The following TANC2 variants were observed in gnomAD, a reference collection of about 807,000 sequenced individuals.
TANC2 encodes the protein tetratricopeptide repeat, ankyrin repeat and coiled-coil containing 2.
In TANC2, 26 loss-of-function variants were observed where a neutral mutation model predicts 210.5. The ratio of observed to expected loss-of-function variants is 0.12; its 90% CI spans 0.09 to 0.17. The LOEUF is 0.17. TANC2 is among the 10% of genes least tolerant of loss of function. The pLI, the probability that TANC2 is intolerant of heterozygous loss-of-function variation, is 1.00. For missense variants in TANC2, 2,129 were observed against 2,608.9 expected, an observed-to-expected ratio of 0.82 and a Z score of 4.01; for synonymous variants, 931 against 967.1, an observed-to-expected ratio of 0.96 and a Z score of 0.69.
intron 1 of TANC2, among the ~76,000 whole-genome samples, chr17:63,007,966 G>A (rs2033695388): frequency 7.1e-6 from 1 of 140,892 alleles, no homozygotes; most frequent in Non-Finnish European, 1.5e-5. Context: ...TAAACTGAGA[G>A]TAAATTGCTT....
chr17:63,385,146 A>G (rs1276182818), intron 15 of TANC2, among the ~76,000 whole-genome samples: 2 of 152,222 alleles, frequency 1.3e-5, no homozygotes. Flanking sequence ...ACAGAACCTG[A>G]CACATTGTAG....
At chr17:63,229,441 T>A (rs2042411897) in intron 7 of TANC2, among the ~76,000 whole-genome samples, 1 of 152,164 alleles carries the variant, frequency 6.6e-6, no homozygotes, top group South Asian at 2.1e-4. Context: ...CCTCATAAAA[T>A]GAGTTAGGGA....
chr17:63,074,102 C>A, intron 3 of TANC2, 88 bp downstream of exon 3: 1 of 986,932 alleles, frequency 1.0e-6, no homozygotes, highest in Non-Finnish European at 1.5e-6. Flanking sequence ...TAGGATATTG[C>A]CATGGTATAG....
At chr17:63,373,687 ATT>A (rs1394393101) in intron 14 of TANC2, among the ~76,000 whole-genome samples, 5 of 152,246 alleles carry the variant, frequency 3.3e-5, no homozygotes, top group African/African-American at 1.2e-4. Context: ...TCTAAAAATT[ATT>A]AAAGTATTTT....
At chr17:63,050,766 TA>T (rs1175398472) in intron 2 of TANC2, among the ~76,000 whole-genome samples, 1 of 152,242 alleles carries the variant, frequency 6.6e-6, no homozygotes, top group Admixed American at 6.5e-5. Flanking sequence ...ATGGACTTTA[TA>T]AGAGATTTTG....
At chr17:63,218,776 A>C (rs1355461474) in intron 7 of TANC2, among the ~76,000 whole-genome samples, 2 of 152,050 alleles carry the variant, frequency 1.3e-5, no homozygotes, top group East Asian at 3.9e-4. Flanking sequence ...GACACCTGTA[A>C]TGCTAGCTAA....
At chr17:63,336,813 A>G (rs190894125) in intron 11 of TANC2, among the ~76,000 whole-genome samples, 18 of 152,352 alleles carry the variant, frequency 1.2e-4, no homozygotes, top group Non-Finnish European at 4.4e-5. Flanking sequence ...GAAAGACAAG[A>G]ATTCGCCAAG....
At chr17:63,358,376 A>AGAGAGTGTGTGT (rs1470682571) in intron 14 of TANC2, among the ~76,000 whole-genome samples, 59 of 81,036 alleles carry the variant, frequency 7.3e-4, no homozygotes, top group African/African-American at 2.0e-3. Context: ...AGAGAGAGAG[A>AGAGAGTGTGTGT]GTATGTGTGT....
chr17:63,308,236 C>A (rs922706680), intron 9 of TANC2, among the ~76,000 whole-genome samples: 1 of 152,088 alleles, frequency 6.6e-6, no homozygotes, highest in Non-Finnish European at 1.5e-5. Flanking sequence ...CTCCATAATC[C>A]CTTAGACTTG....
At chr17:63,154,397 TTAAGTA>T (rs1007486599) in intron 5 of TANC2, 1 of 152,134 alleles carries the variant, frequency 6.6e-6, no homozygotes, top group Admixed American at 6.6e-5. Flanking sequence ...GAAAATTCAG[TTAAGTA>T]TGAGATAGTC....
At chr17:62,967,652 TC>T (rs2031429732) in intron 1 of TANC2, 1 of 152,206 alleles carries the variant, frequency 6.6e-6, no homozygotes, top group Non-Finnish European at 1.5e-5. Flanking sequence ...TGTGCCCTTT[TC>T]CTGATTTTTA....
At chr17:63,307,756 CTGTTGT>C (rs34795340) in intron 9 of TANC2, among the ~76,000 whole-genome samples, 1 of 111,778 alleles carries the variant, frequency 8.9e-6, no homozygotes, top group Non-Finnish European at 1.6e-5. Context: ...TTTGTTGTTG[CTGTTGT>C]TGTTGTTGTT....
chr17:63,312,373 C>T lies in TANC2; in HGVS notation c.1160-2015C>T, dbSNP rs1229319478. Among the ~76,000 whole-genome samples, 4 of 152,088 alleles carry T rather than the reference C, an allele frequency of 2.6e-5. No individual in the cohort carries two copies. The East Asian group carries it at 7.7e-4, about 29-fold the overall frequency. Reference sequence around the variant, plus strand: ...TGTGGTGCATATGCACCATGGAATACTATATAGCCATAAAAAAGAATGGAA... The same window carrying T: ...TGTGGTGCATATGCACCATGGAATATTATATAGCCATAAAAAAGAATGGAA... On this transcript the variant is annotated intron_variant, in intron 9 of 27. Coordinates refer to ENST00000689528, the Ensembl canonical transcript of TANC2.
chr17:63,018,937 C>A (rs574603468), intron 2 of TANC2, among the ~76,000 whole-genome samples: 1 of 152,256 alleles, frequency 6.6e-6, no homozygotes, highest in South Asian at 2.1e-4. Flanking sequence ...ACTGTTTAAC[C>A]ATTCACCCTT....
chr17:63,070,967 C>G (rs2036374237), intron 2 of TANC2, among the ~76,000 whole-genome samples: 1 of 152,116 alleles, frequency 6.6e-6, no homozygotes, highest in Admixed American at 6.5e-5. Flanking sequence ...TTGTGCCTCA[C>G]TATAGGTGAG....
intron 14 of TANC2, among the ~76,000 whole-genome samples, chr17:63,364,273 C>T (rs1417873334): frequency 6.6e-6 from 1 of 152,160 alleles, no homozygotes; most frequent in Non-Finnish European, 1.5e-5. Flanking sequence ...ATCATAGGAT[C>T]GACATCTATT....
intron 3 of TANC2, chr17:63,088,168 G>A (rs950735433): frequency 3.9e-5 from 6 of 151,942 alleles, no homozygotes; most frequent in Non-Finnish European, 8.8e-5. Context: ...TTGTTTCCTT[G>A]TATTAATTCT....
chr17:63,122,203 G>T (rs1263821131), intron 4 of TANC2, among the ~76,000 whole-genome samples: 1 of 152,184 alleles, frequency 6.6e-6, no homozygotes, highest in Non-Finnish European at 1.5e-5. Context: ...GCATTTTAAA[G>T]CCTGAGAAGT....
chr17:63,268,002 G>T (rs555850569), intron 9 of TANC2, 129 bp downstream of exon 9: 40 of 1,041,330 alleles, frequency 3.8e-5, no homozygotes, highest in Admixed American at 2.2e-4. Context: ...ATCCATTTTA[G>T]CATGTGACCA....
Sources: allele counts gnomAD v4.1 joint callset (sites outside exome capture counted in the v4.1 genomes callset), GRCh38; gene constraint gnomAD v4.1.1; transcripts MANE v1.5; gene names NCBI Gene and HGNC (gene_info 2026-07-23, HGNC 2026-07-21).